The following CCNB3 variants were observed in gnomAD, a reference collection of about 807,000 sequenced individuals.
CCNB3 encodes cyclin B3.
A neutral mutation model predicts 68.0 loss-of-function variants in CCNB3; 12 were observed. That is an observed-to-expected ratio of 0.18 (90% CI 0.11 to 0.29). The LOEUF is 0.29. Ranked by LOEUF, CCNB3 falls within the 10% of genes least tolerant of loss-of-function variation. The pLI, the probability that CCNB3 is intolerant of heterozygous loss-of-function variation, is 1.00. For synonymous variants in CCNB3, 354 were observed against 388.9 expected (o/e 0.91, Z 1.06); for missense variants, 904 against 993.1 (o/e 0.91, Z 1.21).
intron 7 of CCNB3, 92 bp from the exon 8 acceptor site, chrX:50,313,764 T>A: frequency 3.1e-6 from 2 of 636,469 alleles, no homozygotes; most frequent in Non-Finnish European, 5.0e-6. Flanking sequence ...AAACAAGGAG[T>A]TAGAACTATG....
At chrX:50,203,693 G>GGA (rs2146966772), upstream of CCNB3, among the ~76,000 whole-genome samples, 1 of 111,878 alleles carries the variant, frequency 8.9e-6, no homozygotes, top group African/African-American at 3.2e-5. Context: ...AGTGATTGGA[G>GGA]GAGTGGAGGG....
chrX:50,228,886 AAT>A (rs1194771647), intron 1 of CCNB3, among the ~76,000 whole-genome samples: 5 of 68,431 alleles, frequency 7.3e-5, no homozygotes, highest in Admixed American at 4.6e-4. Flanking sequence ...ATATATGTAG[AAT>A]ATATATATAG....
At chrX:50,214,151 A>G (rs1348621955) in intron 1 of CCNB3, among the ~76,000 whole-genome samples, 17 of 109,807 alleles carry the variant, frequency 1.5e-4, no homozygotes, top group African/African-American at 4.9e-4. Flanking sequence ...AGATCTGTAA[A>G]ATTTATTAAT....
chrX:50,327,035 T>G (rs1259786129), intron 8 of CCNB3, among the ~76,000 whole-genome samples: 1 of 112,270 alleles, frequency 8.9e-6, no homozygotes, highest in Non-Finnish European at 1.9e-5. Context: ...AGCAGTTGTT[T>G]CTGAAGAATT....
At chrX:50,342,531 T>G (rs1923192772) in intron 9 of CCNB3, among the ~76,000 whole-genome samples, 192 bp downstream of exon 9, 2 of 110,304 alleles carry the variant, frequency 1.8e-5, no homozygotes, top group South Asian at 7.9e-4. Flanking sequence ...AGTGACATCT[T>G]ATCTTTTGTA....
intron 8 of CCNB3, among the ~76,000 whole-genome samples, chrX:50,315,045 T>C (rs192270888): frequency 8.9e-6 from 1 of 112,018 alleles, no homozygotes; most frequent in African/African-American, 3.2e-5. Flanking sequence ...ATGTACATTA[T>C]AGCAAAGTAA....
intron 5 of CCNB3, among the ~76,000 whole-genome samples, chrX:50,300,369 AT>A: frequency 9.0e-6 from 1 of 110,945 alleles, no homozygotes; most frequent in Non-Finnish European, 1.9e-5. Context: ...TCTGTAAAGG[AT>A]TTTATTTCTC....
chrX:50,210,207 G>A (rs1344909035), intron 1 of CCNB3, among the ~76,000 whole-genome samples: 2 of 111,252 alleles, frequency 1.8e-5, no homozygotes, highest in Non-Finnish European at 3.8e-5. Context: ...GAGAAGAAAG[G>A]AGAGTTTATG....
At chrX:50,279,437 T>A (rs1233308671) in intron 1 of CCNB3, among the ~76,000 whole-genome samples, 3 of 71,509 alleles carry the variant, frequency 4.2e-5, no homozygotes, top group East Asian at 3.6e-4. Flanking sequence ...TATATAAATA[T>A]ATATATAAAT....
At chrX:50,279,882 G>A (rs1473526539) in intron 1 of CCNB3, among the ~76,000 whole-genome samples, 9 of 83,321 alleles carry the variant, frequency 1.1e-4, no homozygotes, top group Non-Finnish European at 1.7e-4. Flanking sequence ...AATATATATA[G>A]TATATATAAA....
chrX:50,226,997 A>G (rs1476813544), intron 1 of CCNB3, among the ~76,000 whole-genome samples: 4 of 78,173 alleles, frequency 5.1e-5, no homozygotes, highest in Non-Finnish European at 9.0e-5. Flanking sequence ...TAGAATATAT[A>G]AATATATAGA....
At chrX:50,326,090 TA>T (rs1922282608) in intron 8 of CCNB3, among the ~76,000 whole-genome samples, 1 of 111,850 alleles carries the variant, frequency 8.9e-6, no homozygotes, top group South Asian at 3.7e-4. Context: ...CATATAAGTA[TA>T]GATCTATGAC....
At chrX:50,344,799 C>T (rs1406991918) in intron 9 of CCNB3, among the ~76,000 whole-genome samples, 1 of 111,572 alleles carries the variant, frequency 9.0e-6, no homozygotes, top group African/African-American at 3.3e-5. Flanking sequence ...GAGTAGCTGA[C>T]CTTTTCTTCA....
intron 1 of CCNB3, among the ~76,000 whole-genome samples, chrX:50,212,276 A>G (rs1459564558): frequency 2.7e-5 from 3 of 111,793 alleles, no homozygotes; most frequent in Non-Finnish European, 5.6e-5. Flanking sequence ...CGATATTTAC[A>G]TAATTGAAAA....
At chrX:50,321,729 A>T (rs782172340) in intron 8 of CCNB3, among the ~76,000 whole-genome samples, 2 of 110,767 alleles carry the variant, frequency 1.8e-5, no homozygotes, top group Non-Finnish European at 3.8e-5. Context: ...TTGCCTCTTT[A>T]CTCATCTTTT....
intron 1 of CCNB3, among the ~76,000 whole-genome samples, chrX:50,217,267 GTTTTTTTTTTTT>G (rs1220524134): frequency 1.0e-4 from 3 of 29,690 alleles, no homozygotes; most frequent in Non-Finnish European, 1.7e-4. Flanking sequence ...CTTCACTCTT[GTTTTTTTTTTTT>G]TTTTTTTTTT....
chrX:50,330,354 G>A (rs929414403), intron 8 of CCNB3, among the ~76,000 whole-genome samples: 3 of 111,546 alleles, frequency 2.7e-5, no homozygotes, highest in Non-Finnish European at 3.8e-5. Context: ...GGAATGCAGC[G>A]CCAGACTGTC....
At chrX:50,207,927 CT>C (rs1404893366) in intron 1 of CCNB3, among the ~76,000 whole-genome samples, 1 of 111,534 alleles carries the variant, frequency 9.0e-6, no homozygotes, top group African/African-American at 3.3e-5. Context: ...CCCTCCACCC[CT>C]ATATCTCCCA....
At chrX:50,326,686 C>T (rs781889049) in intron 8 of CCNB3, among the ~76,000 whole-genome samples, 1 of 111,142 alleles carries the variant, frequency 9.0e-6, no homozygotes, top group South Asian at 3.8e-4. Context: ...TCCAGAATGT[C>T]GTCTTTTCAT....
Sources: gnomAD v4.1 joint callset for allele counts (sites outside exome capture counted in the v4.1 genomes callset) on GRCh38, gnomAD v4.1.1 for gene constraint, MANE v1.5 for transcripts, NCBI Gene and HGNC (gene_info 2026-07-23, HGNC 2026-07-21) for gene names.